The following CDH13 variants were observed in gnomAD, a reference collection of about 807,000 sequenced individuals.
The protein encoded by CDH13 is cadherin-13.
In CDH13, 24 loss-of-function variants were observed where a neutral mutation model predicts 63.8. The observed-to-expected ratio is 0.38, with a 90% CI of 0.27 to 0.53. The LOEUF (loss-of-function observed/expected upper bound fraction) is 0.53, where lower values mean the gene tolerates loss of function less well. CDH13 is among the 20% of genes least tolerant of loss of function. CDH13 has a pLI of 0.85. For synonymous variants in CDH13, 503 were observed against 355.3 expected (o/e 1.42, Z -4.67); for missense variants, 1,049 against 903.1 (o/e 1.16, Z -2.07).
At chr16:82,814,662 A>G (rs1481774440) in intron 1 of CDH13, among the ~76,000 whole-genome samples, 1 of 152,140 alleles carries the variant, frequency 6.6e-6, no homozygotes, top group East Asian at 1.9e-4. Flanking sequence ...AATATTCTTT[A>G]TAATAAATGC....
At chr16:82,687,870 C>G (rs772348623) in intron 1 of CDH13, among the ~76,000 whole-genome samples, 1 of 152,112 alleles carries the variant, frequency 6.6e-6, no homozygotes, top group Non-Finnish European at 1.5e-5. Context: ...AGAGCCAGGG[C>G]AAACCGTCAG....
At chr16:83,522,104 T>C (rs1244579284) in intron 7 of CDH13, among the ~76,000 whole-genome samples, 1 of 152,174 alleles carries the variant, frequency 6.6e-6, no homozygotes, top group Non-Finnish European at 1.5e-5. Context: ...CTGCGCAGAG[T>C]GCAGGTCCAG....
At chr16:82,856,208 C>G (rs1297570447) in intron 1 of CDH13, among the ~76,000 whole-genome samples, 1 of 151,644 alleles carries the variant, frequency 6.6e-6, no homozygotes, top group African/African-American at 2.4e-5. Context: ...AACCCCGTCT[C>G]TACTAAAAAT....
intron 5 of CDH13, among the ~76,000 whole-genome samples, chr16:83,254,200 A>C (rs1428970044): frequency 6.6e-6 from 1 of 152,184 alleles, no homozygotes; most frequent in East Asian, 1.9e-4. Flanking sequence ...TGTGCAAATT[A>C]GCCTCCCCAC....
intron 4 of CDH13, among the ~76,000 whole-genome samples, chr16:83,147,293 G>T (rs1457420394): frequency 6.6e-6 from 1 of 152,156 alleles, no homozygotes; most frequent in Admixed American, 6.6e-5. Flanking sequence ...CTTTCCTGAA[G>T]GTCCGTGTGA....
At chr16:82,666,634 G>A (rs188065813) in intron 1 of CDH13, among the ~76,000 whole-genome samples, 40 of 152,252 alleles carry the variant, frequency 2.6e-4, no homozygotes, top group East Asian at 2.1e-3. Flanking sequence ...TAACCTAGTC[G>A]TAGGTTAACC....
chr16:83,215,515 C>T (rs573746724), intron 4 of CDH13, among the ~76,000 whole-genome samples: 2 of 147,830 alleles, frequency 1.4e-5, no homozygotes, highest in African/African-American at 2.5e-5. Flanking sequence ...AAAAAAAAAC[C>T]TGTAATGCCT....
intron 2 of CDH13, among the ~76,000 whole-genome samples, chr16:82,862,070 G>A (rs1371310154): frequency 6.6e-6 from 1 of 152,168 alleles, no homozygotes; most frequent in Non-Finnish European, 1.5e-5. Flanking sequence ...ATTCTGAAAG[G>A]AATCTGTGAA....
chr16:82,895,073 A>T (rs973313341), intron 2 of CDH13, among the ~76,000 whole-genome samples: 5 of 151,986 alleles, frequency 3.3e-5, no homozygotes. Context: ...ACGTAGAATC[A>T]CTCATTTTAA....
intron 4 of CDH13, among the ~76,000 whole-genome samples, chr16:83,194,939 C>G (rs1386654125): frequency 6.6e-6 from 1 of 152,174 alleles, no homozygotes; most frequent in South Asian, 2.1e-4. Context: ...AAACCCATAA[C>G]ACCATGAAAT....
At chr16:82,976,761 C>G (rs546531415) in intron 2 of CDH13, among the ~76,000 whole-genome samples, 1 of 152,190 alleles carries the variant, frequency 6.6e-6, no homozygotes, top group East Asian at 1.9e-4. Flanking sequence ...CGAAAATGCA[C>G]TAAGCAAGAG....
intron 2 of CDH13, among the ~76,000 whole-genome samples, chr16:82,939,651 T>C (rs952136794): frequency 2.0e-5 from 3 of 151,776 alleles, no homozygotes; most frequent in Non-Finnish European, 4.4e-5. Context: ...CTTCTATTAG[T>C]GTGGTTGTTT....
chr16:83,051,539 C>T (rs892436167), intron 3 of CDH13, among the ~76,000 whole-genome samples: 1 of 152,170 alleles, frequency 6.6e-6, no homozygotes, highest in African/African-American at 2.4e-5. Context: ...GAAAATAATG[C>T]TACAGAAACA....
At chr16:82,951,234 C>G (rs1452041304) in intron 2 of CDH13, among the ~76,000 whole-genome samples, 1 of 152,086 alleles carries the variant, frequency 6.6e-6, no homozygotes, top group Non-Finnish European at 1.5e-5. Flanking sequence ...AAGAGGATAT[C>G]TCCTTCCCCC....
intron 10 of CDH13, among the ~76,000 whole-genome samples, chr16:83,694,735 G>C (rs894427802): frequency 6.6e-6 from 1 of 152,190 alleles, no homozygotes; most frequent in Non-Finnish European, 1.5e-5. Flanking sequence ...AGAGGGCAGG[G>C]TGTGGCTCTG....
chr16:83,779,700 A>G (rs1312052512), intron 11 of CDH13, among the ~76,000 whole-genome samples: 7 of 152,032 alleles, frequency 4.6e-5, no homozygotes, highest in Non-Finnish European at 1.0e-4. Flanking sequence ...AAATGCTAAA[A>G]AAATAAAGTT....
intron 9 of CDH13, among the ~76,000 whole-genome samples, chr16:83,677,666 T>C (rs1040028464): frequency 5.9e-5 from 9 of 152,130 alleles, no homozygotes; most frequent in African/African-American, 2.2e-4. Flanking sequence ...AAACATTAAA[T>C]ATAAAACTTT....
intron 3 of CDH13, among the ~76,000 whole-genome samples, chr16:83,111,374 G>A (rs1166902990): frequency 2.0e-5 from 3 of 152,132 alleles, no homozygotes; most frequent in Non-Finnish European, 4.4e-5. Flanking sequence ...GAGAGTCAGG[G>A]AAGACTTCCT....
intron 9 of CDH13, among the ~76,000 whole-genome samples, chr16:83,675,020 C>A (rs1055200772): frequency 6.6e-6 from 1 of 152,180 alleles, no homozygotes; most frequent in East Asian, 1.9e-4. Context: ...TGTGGGTCAA[C>A]TTTTCCAGGC....
Sources: gnomAD v4.1 joint callset for allele counts (sites outside exome capture counted in the v4.1 genomes callset) on GRCh38, gnomAD v4.1.1 for gene constraint, MANE v1.5 for transcripts, NCBI Gene and HGNC (gene_info 2026-07-23, HGNC 2026-07-21) for gene names.